Variants in PDE3A observed in about 807,000 individuals in gnomAD.
The protein encoded by PDE3A is phosphodiesterase 3A.
PDE3A carries 43 observed loss-of-function variants against 98.3 expected under a neutral mutation model. The observed-to-expected ratio is 0.44, with a 90% CI of 0.34 to 0.56. The LOEUF (loss-of-function observed/expected upper bound fraction) is 0.56. Ranked by LOEUF, PDE3A falls within the 20% of genes least tolerant of loss-of-function variation. PDE3A has a pLI of 0.01. For missense variants in PDE3A, 1,427 were observed against 1,440.7 expected, an observed-to-expected ratio of 0.99 and a Z score of 0.15; for synonymous variants, 663 against 567.9, an observed-to-expected ratio of 1.17 and a Z score of -2.38.
chr12:20,412,365 C>T (rs1200054500), intron 1 of PDE3A, among the ~76,000 whole-genome samples: 1 of 152,122 alleles, frequency 6.6e-6, no homozygotes, highest in Non-Finnish European at 1.5e-5. Context: ...TTTTAATTTA[C>T]CTGAAAGTGC....
At chr12:20,422,134 C>T (rs1003893790) in intron 1 of PDE3A, among the ~76,000 whole-genome samples, 1 of 152,114 alleles carries the variant, frequency 6.6e-6, no homozygotes, top group Admixed American at 6.5e-5. Flanking sequence ...ATCACTAGGT[C>T]AGGAGATCGA....
At chr12:20,662,340 T>C (rs1473139047) in intron 15 of PDE3A, among the ~76,000 whole-genome samples, 5 of 151,192 alleles carry the variant, frequency 3.3e-5, no homozygotes, top group Non-Finnish European at 7.4e-5. Context: ...GAGGAACTTG[T>C]TGAGAACTGG....
intron 2 of PDE3A, among the ~76,000 whole-genome samples, chr12:20,610,802 A>G (rs1943829639): frequency 6.6e-6 from 1 of 151,978 alleles, no homozygotes; most frequent in African/African-American, 2.4e-5. Flanking sequence ...ATATTGCATT[A>G]TCTCACTTAA....
At chr12:20,610,815 G>A (rs184266386) in intron 2 of PDE3A, among the ~76,000 whole-genome samples, 116 of 152,008 alleles carry the variant, frequency 7.6e-4, no homozygotes, top group African/African-American at 2.8e-3. Context: ...TCACTTAAGT[G>A]TAGAATCTTA....
At chr12:20,676,908 G>C (rs1052542721) in intron 15 of PDE3A, among the ~76,000 whole-genome samples, 1 of 152,068 alleles carries the variant, frequency 6.6e-6, no homozygotes, top group African/African-American at 2.4e-5. Flanking sequence ...ATCTCTTTTT[G>C]TTAGACTTGG....
intron 2 of PDE3A, among the ~76,000 whole-genome samples, chr12:20,601,107 C>T (rs553561474): frequency 6.6e-6 from 1 of 152,288 alleles, no homozygotes; most frequent in South Asian, 2.1e-4. Flanking sequence ...CAGACCATCA[C>T]ATATAGACAT....
At chr12:20,507,811 A>G (rs999991713) in intron 1 of PDE3A, among the ~76,000 whole-genome samples, 12 of 152,048 alleles carry the variant, frequency 7.9e-5, no homozygotes, top group African/African-American at 2.9e-4. Context: ...TGCTGCTACA[A>G]CTCTAGCCAG....
chr12:20,437,184 A>G (rs1944792146), intron 1 of PDE3A, among the ~76,000 whole-genome samples: 1 of 152,144 alleles, frequency 6.6e-6, no homozygotes, highest in African/African-American at 2.4e-5. Flanking sequence ...CTTTGAGACT[A>G]GAGATGAGTG....
chr12:20,653,662 G>A (rs1289775288), intron 14 of PDE3A, among the ~76,000 whole-genome samples: 1 of 152,058 alleles, frequency 6.6e-6, no homozygotes, highest in African/African-American at 2.4e-5. Context: ...TTGCATTTTC[G>A]TGCATTTATA....
At chr12:20,671,587 A>G (rs1167760762) in intron 15 of PDE3A, among the ~76,000 whole-genome samples, 4 of 151,590 alleles carry the variant, frequency 2.6e-5, no homozygotes, top group Non-Finnish European at 5.9e-5. Context: ...AAACAGAGCC[A>G]AAGACAAAAA....
intron 1 of PDE3A, among the ~76,000 whole-genome samples, chr12:20,478,191 G>A (rs1416788985): frequency 1.3e-5 from 2 of 152,052 alleles, no homozygotes; most frequent in Admixed American, 6.6e-5. Flanking sequence ...AATAGGGATG[G>A]TTTATTCCTA....
chr12:20,636,712 A>T (rs2121513196), intron 8 of PDE3A, among the ~76,000 whole-genome samples: 1 of 152,298 alleles, frequency 6.6e-6, no homozygotes, highest in Middle Eastern at 3.4e-3. Flanking sequence ...AATTTACATG[A>T]CTATGTAGAG....
At chr12:20,478,781 G>T (rs542273943) in intron 1 of PDE3A, among the ~76,000 whole-genome samples, 2 of 152,108 alleles carry the variant, frequency 1.3e-5, no homozygotes, top group Non-Finnish European at 2.9e-5. Flanking sequence ...TTTATGGGCT[G>T]TATTTCAACA....
intron 1 of PDE3A, among the ~76,000 whole-genome samples, chr12:20,512,731 G>A (rs1317621837): frequency 5.3e-5 from 8 of 152,110 alleles, no homozygotes; most frequent in Admixed American, 5.2e-4. Flanking sequence ...CCTGAGTACT[G>A]CTTCGTAAAT....
intron 1 of PDE3A, among the ~76,000 whole-genome samples, chr12:20,478,812 T>C (rs1388052381): frequency 6.6e-6 from 1 of 152,192 alleles, no homozygotes; most frequent in African/African-American, 2.4e-5. Flanking sequence ...TAATGTAAAA[T>C]AGTCACTCTT....
chr12:20,644,208 G>T (rs903026706), intron 10 of PDE3A, among the ~76,000 whole-genome samples: 1 of 152,106 alleles, frequency 6.6e-6, no homozygotes, highest in African/African-American at 2.4e-5. Flanking sequence ...ATCTTCTACC[G>T]ATGGAGGCAG....
intron 1 of PDE3A, among the ~76,000 whole-genome samples, chr12:20,419,673 G>A (rs1327065726): frequency 6.7e-6 from 1 of 150,210 alleles, no homozygotes; most frequent in African/African-American, 2.4e-5. Context: ...ACAAATAAAT[G>A]CATTTACTTA....
At chr12:20,621,599 T>C (rs1470816210) in intron 5 of PDE3A, among the ~76,000 whole-genome samples, 188 bp downstream of exon 5, 2 of 152,226 alleles carry the variant, frequency 1.3e-5, no homozygotes, top group African/African-American at 4.8e-5. Flanking sequence ...TTCTACCTTA[T>C]GTGATAATAC....
At chr12:20,391,808 T>G (rs1024006641) in intron 1 of PDE3A, among the ~76,000 whole-genome samples, 3 of 151,862 alleles carry the variant, frequency 2.0e-5, no homozygotes, top group African/African-American at 4.8e-5. Context: ...GATATGGTCT[T>G]TTGAAATTGA....
Sources: allele counts gnomAD v4.1 joint callset (sites outside exome capture counted in the v4.1 genomes callset), GRCh38; gene constraint gnomAD v4.1.1; transcripts MANE v1.5; gene names NCBI Gene and HGNC (gene_info 2026-07-23, HGNC 2026-07-21).